The following LOC128462377 variants were observed in gnomAD, a reference collection of about 807,000 sequenced individuals.
the LOC128462377 span, among the ~76,000 whole-genome samples, chr16:89,393,560 C>T: frequency 1.1e-4 from 16 of 148,578 alleles, no homozygotes; most frequent in Non-Finnish European, 2.2e-4. Flanking sequence ...AGGCTGGTCT[C>T]GAACTCCCGA....
the LOC128462377 span, among the ~76,000 whole-genome samples, chr16:89,325,612 T>C: frequency 6.6e-6 from 1 of 152,128 alleles, no homozygotes; most frequent in African/African-American, 2.4e-5. Context: ...GCGTGGAAAA[T>C]GGCTGCCTGG....
At chr16:89,341,494 A>G in the LOC128462377 span, among the ~76,000 whole-genome samples, 1 of 152,178 alleles carries the variant, frequency 6.6e-6, no homozygotes, top group Admixed American at 6.5e-5. Flanking sequence ...TCGTCACCTT[A>G]GCAACGGCTC....
the LOC128462377 span, among the ~76,000 whole-genome samples, chr16:89,352,190 G>A: frequency 6.6e-6 from 1 of 152,038 alleles, no homozygotes; most frequent in Admixed American, 6.5e-5. Context: ...GCACCTGGCC[G>A]ATTATCTTCT....
At chr16:89,389,056 A>G in the LOC128462377 span, among the ~76,000 whole-genome samples, 3 of 152,252 alleles carry the variant, frequency 2.0e-5, no homozygotes, top group African/African-American at 7.2e-5. Context: ...TGAGCAAAAA[A>G]TAAATAGGAC....
At chr16:89,392,119 T>C in the LOC128462377 span, among the ~76,000 whole-genome samples, 83,584 of 150,042 alleles carry the variant, frequency 0.56, 22,975 homozygotes, top group Middle Eastern at 0.7. Flanking sequence ...TTCCAGCCAA[T>C]GGAAACCGGA....
the LOC128462377 span, among the ~76,000 whole-genome samples, chr16:89,350,772 C>G: frequency 6.6e-6 from 1 of 152,148 alleles, no homozygotes; most frequent in African/African-American, 2.4e-5. Context: ...CATCTGTAGT[C>G]ATGAGCAACA....
chr16:89,399,189 G>A, the LOC128462377 span, among the ~76,000 whole-genome samples: 7 of 152,274 alleles, frequency 4.6e-5, no homozygotes, highest in South Asian at 1.4e-3. Context: ...ATCAAGACAA[G>A]TCAGAGGCAG....
At chr16:89,404,162 C>A in the LOC128462377 span, among the ~76,000 whole-genome samples, 1 of 152,168 alleles carries the variant, frequency 6.6e-6, no homozygotes. Flanking sequence ...ATGGACACAG[C>A]CCACAGGTGG....
chr16:89,325,776 A>C, the LOC128462377 span, among the ~76,000 whole-genome samples: 3 of 152,182 alleles, frequency 2.0e-5, no homozygotes, highest in Non-Finnish European at 4.4e-5. Flanking sequence ...TAAAGGCCAC[A>C]CTATGTCCTT....
At chr16:89,415,829 C>CAAAAAAAAAAAAAAAAAAAAAAAAAAAAA in the LOC128462377 span, among the ~76,000 whole-genome samples, 121 of 39,716 alleles carry the variant, frequency 3.0e-3, 13 homozygotes, top group East Asian at 4.5e-3. Flanking sequence ...GACTCTGTCT[C>CAAAAAAAAAAAAAAAAAAAAAAAAAAAAA]AAAAAAAAAA....
the LOC128462377 span, among the ~76,000 whole-genome samples, chr16:89,339,478 C>G: frequency 1.4e-5 from 2 of 144,178 alleles, no homozygotes; most frequent in Non-Finnish European, 1.6e-5. Flanking sequence ...CCTGAGTGCA[C>G]GCAGCGCATG....
chr16:89,329,177 C>T, the LOC128462377 span, among the ~76,000 whole-genome samples: 1 of 152,162 alleles, frequency 6.6e-6, no homozygotes, highest in African/African-American at 2.4e-5. Context: ...GGGAAACAGG[C>T]GGGGACTCCG....
chr16:89,379,843 C>T, the LOC128462377 span, among the ~76,000 whole-genome samples: 1 of 152,044 alleles, frequency 6.6e-6, no homozygotes, highest in African/African-American at 2.4e-5. Flanking sequence ...TAATAATTTC[C>T]CAAAAAATAT....
At chr16:89,415,073 C>G in the LOC128462377 span, among the ~76,000 whole-genome samples, 2 of 151,784 alleles carry the variant, frequency 1.3e-5, no homozygotes, top group Non-Finnish European at 2.9e-5. Context: ...CTCAGCCTCC[C>G]CAAGTAGCTG....
At chr16:89,333,391 G>C in the LOC128462377 span, among the ~76,000 whole-genome samples, 2 of 152,260 alleles carry the variant, frequency 1.3e-5, no homozygotes, top group Admixed American at 6.5e-5. Flanking sequence ...CAGGCCGCAC[G>C]ACCTCAGGGT....
At chr16:89,387,729 A>T in the LOC128462377 span, among the ~76,000 whole-genome samples, 2 of 144,040 alleles carry the variant, frequency 1.4e-5, no homozygotes. Context: ...TTGGCCGGGC[A>T]CGGTAGCTTG....
At chr16:89,344,635 G>A in the LOC128462377 span, among the ~76,000 whole-genome samples, 1 of 152,244 alleles carries the variant, frequency 6.6e-6, no homozygotes, top group Non-Finnish European at 1.5e-5. Flanking sequence ...GAGGGGCCCA[G>A]GAAGAAAGAG....
At chr16:89,324,287 A>T in the LOC128462377 span, 25 of 1,256,814 alleles carry the variant, frequency 2.0e-5, no homozygotes, top group Non-Finnish European at 2.5e-5. Flanking sequence ...CGTGCTCCGG[A>T]ACACGGACCA....
the LOC128462377 span, among the ~76,000 whole-genome samples, chr16:89,379,571 T>C: frequency 1.3e-5 from 2 of 152,214 alleles, no homozygotes; most frequent in African/African-American, 2.4e-5. Context: ...CTCAACCTCC[T>C]GGGCTCAAGT....
Sources: allele counts gnomAD v4.1 joint callset (sites outside exome capture counted in the v4.1 genomes callset), GRCh38; gene constraint gnomAD v4.1.1; transcripts MANE v1.5.